Variants in DMXL2 observed in about 807,000 individuals in gnomAD.
DMXL2 encodes Dmx like 2.
A neutral mutation model predicts 331.1 loss-of-function variants in DMXL2; 103 were observed. That is an observed-to-expected ratio of 0.31 (90% CI 0.27 to 0.37). The LOEUF is 0.37. Among genes scored for constraint, DMXL2 ranks in the 10% least tolerant of loss-of-function variants. The pLI is 1.00. For synonymous variants in DMXL2, 1,281 were observed against 1,252.1 expected, an observed-to-expected ratio of 1.02 and a Z score of -0.49; for missense variants, 3,171 against 3,642.9, an observed-to-expected ratio of 0.87 and a Z score of 3.33.
At chr15:51,496,191 A>T (rs1334233731) in intron 18 of DMXL2, among the ~76,000 whole-genome samples, 1 of 151,946 alleles carries the variant, frequency 6.6e-6, no homozygotes, top group East Asian at 1.9e-4. Context: ...CATGTGAGGG[A>T]CTCTTCAGGT....
chr15:51,571,783 A>C lies in DMXL2; in HGVS notation c.214-3225T>G, dbSNP rs138337025. On this transcript the variant is annotated intron_variant, in intron 2 of 43. Transcript: ENST00000560891. ...ACCAGAATCTCTGGGACACATTCAA[A>C]GCAGTGTGTAGAGGGAAATTTATAG... Among the ~76,000 whole-genome samples the C allele has an allele frequency of 4.9e-3, 744 of 152,348 alleles. 15 individuals are homozygous for C. The highest frequency in any genetic ancestry group is 0.039 in the Admixed American group (596 of 15,306).
chr15:51,491,377 G>A (rs1408641345), intron 20 of DMXL2, among the ~76,000 whole-genome samples: 3 of 151,872 alleles, frequency 2.0e-5, no homozygotes, highest in Non-Finnish European at 4.4e-5. Context: ...GGAGGCAGAG[G>A]TTACAGTGAG....
intron 30 of DMXL2, among the ~76,000 whole-genome samples, chr15:51,465,932 A>G (rs550094422): frequency 6.6e-6 from 1 of 152,304 alleles, no homozygotes; most frequent in South Asian, 2.1e-4. Context: ...CTCTAATAGT[A>G]TATCCATGAG....
Position 51,514,558 on chromosome 15 carries a change from C to G in DMXL2, c.2528G>C (p.Cys843Ser), listed in dbSNP as rs2046926087. 7.7e-6 allele frequency: 12 copies of G among 1,555,392 alleles called. No individual in the cohort carries two copies. The highest frequency in any genetic ancestry group is 1.1e-5 in the Non-Finnish European group (12 of 1,142,024). Reference protein sequence around the residue: ...IIELDAITNQCGSNTQLLHVF... With the variant: ...IIELDAITNQSGSNTQLLHVF... Reference sequence around the variant, plus strand: ...ATGAAGCAACTGTGTATTTGAGCCACACTACAAATACAAAAAAAAATGAAG... The same window carrying G: ...ATGAAGCAACTGTGTATTTGAGCCAGACTACAAATACAAAAAAAAATGAAG... Residue 843 changes from cysteine to serine, a missense_variant and splice_region_variant, in exon 15 of 44, where the codon TGT becomes TCT. Transcript: ENST00000560891.
intron 1 of DMXL2, among the ~76,000 whole-genome samples, chr15:51,578,126 ACT>A (rs1018544159): frequency 6.6e-6 from 1 of 152,098 alleles, no homozygotes; most frequent in Non-Finnish European, 1.5e-5. Context: ...GTGTTGGATC[ACT>A]CTCTCTTTAT....
intron 6 of DMXL2, among the ~76,000 whole-genome samples, chr15:51,558,138 C>T (rs1173273364): frequency 6.6e-6 from 1 of 152,160 alleles, no homozygotes; most frequent in Non-Finnish European, 1.5e-5. Flanking sequence ...CCTCACCTGC[C>T]TTCAAATGAT....
chr15:51,579,112 G>C (rs1025118557), intron 1 of DMXL2, among the ~76,000 whole-genome samples: 3 of 151,912 alleles, frequency 2.0e-5, no homozygotes, highest in Non-Finnish European at 4.4e-5. Flanking sequence ...CTCAAGAAAA[G>C]GAAAAAAATG....
chr15:51,549,103 T>G (rs1359656306), intron 6 of DMXL2, among the ~76,000 whole-genome samples: 1 of 152,098 alleles, frequency 6.6e-6, no homozygotes, highest in African/African-American at 2.4e-5. Context: ...CTTTTATCCC[T>G]CACTCTCCTC....
At position 51,499,773 on chromosome 15, in the gene DMXL2, A is replaced by T. The variant is rs1567033776; in HGVS notation, c.3451T>A (p.Ser1151Thr). Reference sequence around the variant, plus strand: ...CTATCCTTGCTCAAGAGTGCATCTGACTTGCTATACACAAACAGATTACTG... The same window carrying T: ...CTATCCTTGCTCAAGAGTGCATCTGTCTTGCTATACACAAACAGATTACTG... ...VDSNLFVYSK[S>T]DALLSKDRYL... is the part of the protein sequence containing the mutation. The change falls in exon 18 of 44, where the codon TCA becomes ACA. Residue 1151 changes from serine (S) to threonine (T), a missense_variant. This residue lies in a region of DMXL2 where 1,674 missense variants were observed against 1,780.2 expected (regional missense o/e 0.94). Transcript: ENST00000560891. 6.2e-7 allele frequency: 1 copy of T among 1,614,136 alleles called. No individual in the cohort carries two copies. Among genetic ancestry groups the T allele is most frequent in the Non-Finnish European group, 8.5e-7 (1 of 1,180,000 alleles).
intron 3 of DMXL2, among the ~76,000 whole-genome samples, chr15:51,566,238 T>G (rs1374806362): frequency 0.017 from 119 of 7,118 alleles, no homozygotes; most frequent in African/African-American, 0.034. Flanking sequence ...GTGGGGTGTG[T>G]GTGTGTGTGT....
intron 1 of DMXL2, among the ~76,000 whole-genome samples, chr15:51,590,014 T>C (rs1395284025): frequency 6.6e-6 from 1 of 152,242 alleles, no homozygotes; most frequent in African/African-American, 2.4e-5. Context: ...TTCATCTTAT[T>C]CACAGGCCTT....
intron 1 of DMXL2, among the ~76,000 whole-genome samples, chr15:51,587,981 C>T (rs2051987937): frequency 6.6e-6 from 1 of 152,090 alleles, no homozygotes; most frequent in Non-Finnish European, 1.5e-5. Context: ...TGAGAAGTGT[C>T]TGTTCATATC....
chr15:51,607,176 G>A (rs2053644944), intron 1 of DMXL2, among the ~76,000 whole-genome samples: 1 of 151,560 alleles, frequency 6.6e-6, no homozygotes, highest in Non-Finnish European at 1.5e-5. Flanking sequence ...AAAAAAAAAG[G>A]CCGGGCGCGG....
chr15:51,558,691 C>T (rs1179209701), intron 6 of DMXL2, among the ~76,000 whole-genome samples: 3 of 152,130 alleles, frequency 2.0e-5, no homozygotes, highest in Admixed American at 6.5e-5. Flanking sequence ...TAAAATTTAA[C>T]GTTTCTACAA....
At chr15:51,614,607 C>G (rs76084678) in intron 1 of DMXL2, among the ~76,000 whole-genome samples, 7,619 of 152,090 alleles carry the variant, frequency 0.05, 538 homozygotes, top group African/African-American at 0.16. Flanking sequence ...TGACCTATAC[C>G]AAGAAGTATT....
At chr15:51,476,942 A>T (rs1254468104) in intron 26 of DMXL2, among the ~76,000 whole-genome samples, 2 of 152,086 alleles carry the variant, frequency 1.3e-5, no homozygotes, top group Non-Finnish European at 2.9e-5. Context: ...GGCAGATGAC[A>T]CTTATTCCTT....
chr15:51,617,032 C>T lies in DMXL2; in HGVS notation c.87+5427G>A, dbSNP rs774567981. Reference sequence around the variant, plus strand: ...ATATTATATCCCATTTTAAGTACTGCCTTGGTTTCACAGAAGGAAATTAAA... The same window carrying T: ...ATATTATATCCCATTTTAAGTACTGTCTTGGTTTCACAGAAGGAAATTAAA... On this transcript the variant is annotated intron_variant, in intron 1 of 43. Coordinates refer to ENST00000560891, the MANE Select transcript of DMXL2 (RefSeq NM_001378457.1). Among the ~76,000 whole-genome samples, 9 of 151,244 alleles carry T rather than the reference C, an allele frequency of 6.0e-5. No individual in the cohort carries two copies. In the South Asian group the frequency reaches 1.9e-3, roughly 32 times the overall value.
chr15:51,467,941 T>A (rs192168191), intron 29 of DMXL2, among the ~76,000 whole-genome samples: 218 of 152,308 alleles, frequency 1.4e-3, no homozygotes, highest in African/African-American at 5.1e-3. Flanking sequence ...TTAGCCAGGA[T>A]GGTCCCAATC....
At position 51,488,091 on chromosome 15, in the gene DMXL2, ATGT is replaced by A. The variant is rs1352586892; in HGVS notation, c.5077_5079del (p.Thr1693del). Reference sequence around the variant, plus strand: ...TCTTCATTAAAGTTGTGGCTGAAAAATGTTGTCATTTTTTCATCATGCTGTGAC... The same window carrying A: ...TCTTCATTAAAGTTGTGGCTGAAAAATGTCATTTTTTCATCATGCTGTGAC... On this transcript the variant is annotated inframe_deletion, in exon 22 of 44. Transcript: ENST00000560891. 1 of 1,609,352 alleles carries A rather than the reference ATGT, an allele frequency of 6.2e-7. No homozygotes were observed. The highest frequency in any genetic ancestry group is 8.5e-7 in the Non-Finnish European group (1 of 1,178,342).
Sources: allele counts gnomAD v4.1 joint callset (sites outside exome capture counted in the v4.1 genomes callset), GRCh38; gene constraint gnomAD v4.1.1; regional missense constraint gnomAD v4.1.1; transcripts MANE v1.5; gene names NCBI Gene and HGNC (gene_info 2026-07-23, HGNC 2026-07-21).